BFSP2: variants seen among roughly 807,000 people sequenced by gnomAD.
BFSP2 encodes the protein phakinin.
In BFSP2, 38 loss-of-function variants were observed where a neutral mutation model predicts 44.9. That is an observed-to-expected ratio of 0.85 (90% CI 0.65 to 1.11). The LOEUF (loss-of-function observed/expected upper bound fraction) is 1.11. Among genes scored for constraint, BFSP2 ranks in the 50% least tolerant of loss-of-function variants. BFSP2 has a pLI of 0.00. For synonymous variants in BFSP2, 197 were observed against 209.9 expected, an observed-to-expected ratio of 0.94 and a Z score of 0.53; for missense variants, 525 against 533.0, an observed-to-expected ratio of 0.99 and a Z score of 0.15.
rs1032648246 is a variant in BFSP2 at position 133,444,328 on chromosome 3, A to G, written c.490-2989A>G. The stretch of plus-strand genomic sequence containing the variant: ...TGTGCCAGGCAATCTGCTGAGTCAC[A>G]CATACGCTGAGTCTCACACACCTTG... On this transcript the variant is annotated intron_variant, in intron 1 of 6. Coordinates refer to ENST00000302334, the MANE Select transcript of BFSP2 (RefSeq NM_003571.4). 6.6e-5 allele frequency among the ~76,000 whole-genome samples: 10 copies of G among 152,230 alleles called. No individual in the cohort carries two copies. In the East Asian group the frequency reaches 1.9e-3, roughly 29 times the overall value.
intron 1 of BFSP2, among the ~76,000 whole-genome samples, chr3:133,421,410 G>A (rs115269281): frequency 0.011 from 1,693 of 152,354 alleles, 19 homozygotes; most frequent in African/African-American, 0.033. Context: ...CCCAGCTCTG[G>A]TGATGGCGGG....
intron 1 of BFSP2, among the ~76,000 whole-genome samples, chr3:133,413,936 G>C (rs187788829): frequency 6.6e-6 from 1 of 151,760 alleles, no homozygotes; most frequent in Non-Finnish European, 1.5e-5. Context: ...AAATTATGCA[G>C]AAGACAAAGT....
intron 3 of BFSP2, chr3:133,449,143 A>G (rs2073932685): frequency 1.2e-5 from 2 of 160,584 alleles, no homozygotes; most frequent in South Asian, 3.6e-4. Context: ...ACCACCTCAC[A>G]CATATTACTG....
intron 4 of BFSP2, among the ~76,000 whole-genome samples, chr3:133,463,461 C>A (rs180754239): frequency 6.6e-6 from 1 of 152,352 alleles, no homozygotes; most frequent in East Asian, 1.9e-4. Context: ...ATCTTTCATC[C>A]CTTCTCCCGA....
intron 2 of BFSP2, 41 bp from the exon 3 acceptor site, chr3:133,448,448 T>C: frequency 6.2e-7 from 1 of 1,610,586 alleles, no homozygotes; most frequent in African/African-American, 1.3e-5. Flanking sequence ...CTTTTTCTTT[T>C]GGGCTACTCA....
intron 1 of BFSP2, chr3:133,404,983 T>C (rs2073392734): frequency 6.6e-6 from 1 of 152,236 alleles, no homozygotes; most frequent in African/African-American, 2.4e-5. Flanking sequence ...TGACTTTTCT[T>C]ACCAAATGAA....
At chr3:133,463,610 G>A (rs1052973611) in intron 4 of BFSP2, among the ~76,000 whole-genome samples, 1 of 152,196 alleles carries the variant, frequency 6.6e-6, no homozygotes, top group African/African-American at 2.4e-5. Context: ...GCCCCTAGGA[G>A]GTCATATACC....
chr3:133,440,121 G>T (rs774910057), intron 1 of BFSP2, among the ~76,000 whole-genome samples: 4 of 152,166 alleles, frequency 2.6e-5, no homozygotes, highest in African/African-American at 9.7e-5. Context: ...TTACATGGTG[G>T]CAGGCAAGAG....
intron 1 of BFSP2, among the ~76,000 whole-genome samples, chr3:133,432,172 C>T (rs1309197008): frequency 2.0e-5 from 3 of 152,160 alleles, no homozygotes; most frequent in Non-Finnish European, 4.4e-5. Flanking sequence ...ACAGCATGGG[C>T]TTCTAAAACC....
chr3:133,426,872 C>A (rs1201559076), intron 1 of BFSP2, among the ~76,000 whole-genome samples: 2 of 152,186 alleles, frequency 1.3e-5, no homozygotes, highest in Non-Finnish European at 2.9e-5. Flanking sequence ...AGAGAAACAT[C>A]ATTTAAGTGG....
chr3:133,450,806 A>T (rs2073956276), intron 4 of BFSP2, among the ~76,000 whole-genome samples: 1 of 152,144 alleles, frequency 6.6e-6, no homozygotes, highest in Non-Finnish European at 1.5e-5. Flanking sequence ...AATAATCTGA[A>T]TACAATCCTG....
intron 1 of BFSP2, among the ~76,000 whole-genome samples, chr3:133,411,952 A>G (rs962053666): frequency 6.6e-6 from 1 of 152,352 alleles, no homozygotes; most frequent in South Asian, 2.1e-4. Context: ...ATTAAAAAAT[A>G]TATTAGACAC....
intron 1 of BFSP2, among the ~76,000 whole-genome samples, chr3:133,405,814 T>C (rs2073399218): frequency 6.6e-6 from 1 of 152,160 alleles, no homozygotes; most frequent in South Asian, 2.1e-4. Flanking sequence ...AAAAGTCCGT[T>C]AGAGAGATTC....
At chr3:133,442,862 C>CT (rs370003234) in intron 1 of BFSP2, among the ~76,000 whole-genome samples, 2,648 of 135,882 alleles carry the variant, frequency 0.019, 33 homozygotes, top group African/African-American at 0.043. Flanking sequence ...TCTAGATTTT[C>CT]TTTTTTTTTT....
At chr3:133,419,882 G>A (rs368941069) in intron 1 of BFSP2, among the ~76,000 whole-genome samples, 5 of 152,356 alleles carry the variant, frequency 3.3e-5, no homozygotes, top group East Asian at 1.9e-4. Flanking sequence ...GTTCAGAGAC[G>A]CCCCATGGTG....
intron 2 of BFSP2, 93 bp downstream of exon 2, chr3:133,447,492 C>A: frequency 1.5e-6 from 2 of 1,293,616 alleles, no homozygotes; most frequent in Non-Finnish European, 2.2e-6. Flanking sequence ...CATCATCCAC[C>A]TTCTACCTCA....
At chr3:133,458,423 G>A (rs1432336586) in intron 4 of BFSP2, among the ~76,000 whole-genome samples, 2 of 152,206 alleles carry the variant, frequency 1.3e-5, no homozygotes, top group Non-Finnish European at 1.5e-5. Flanking sequence ...GCTGGGTGTG[G>A]TGGCTCACTC....
intron 1 of BFSP2, among the ~76,000 whole-genome samples, chr3:133,401,620 G>C (rs1249992338): frequency 6.6e-6 from 1 of 152,088 alleles, no homozygotes; most frequent in Admixed American, 6.5e-5. Flanking sequence ...ACACCTCTCA[G>C]CTGGTCTCTC....
In BFSP2 at chr3:133,400,777, C is replaced by G. The variant is rs1052048796; in HGVS notation, c.489+205C>G. 6.6e-6 allele frequency among the ~76,000 whole-genome samples: 1 copy of G among 152,210 alleles called. No homozygotes were observed. The highest frequency in any genetic ancestry group is 2.4e-5 in the African/African-American group (1 of 41,452). Reference sequence around the variant, plus strand: ...ACGCTAGCCCCCATACGTGCACTACCCACTGTCTTCTTTAAACTTCAAAGA... The same window carrying G: ...ACGCTAGCCCCCATACGTGCACTACGCACTGTCTTCTTTAAACTTCAAAGA... On this transcript the variant is annotated intron_variant, in intron 1 of 6. Coordinates refer to ENST00000302334, the MANE Select transcript of BFSP2 (RefSeq NM_003571.4). This position sits in a 1 kb window ranked among gnomAD's most constrained non-coding sequence, Gnocchi z 4.0.
Sources: gnomAD v4.1 joint callset for allele counts (sites outside exome capture counted in the v4.1 genomes callset) on GRCh38, gnomAD v4.1.1 for gene constraint, Gnocchi (gnomAD v3.1) non-coding constraint, MANE v1.5 for transcripts, NCBI Gene and HGNC (gene_info 2026-07-23, HGNC 2026-07-21) for gene names.